Variants in PTPRD observed in about 807,000 individuals in gnomAD.
PTPRD encodes the protein receptor-type tyrosine-protein phosphatase delta.
Under a neutral mutation model 214.5 loss-of-function variants are expected in PTPRD, and 34 were observed. That is an observed-to-expected ratio of 0.16 (90% CI 0.12 to 0.21). The LOEUF is 0.21. Among genes scored for constraint, PTPRD ranks in the 10% least tolerant of loss-of-function variants. The pLI is 1.00. For synonymous variants in PTPRD, 1,128 were observed against 845.7 expected (o/e 1.33, Z -5.79); for missense variants, 2,545 against 2,398.7 (o/e 1.06, Z -1.27).
At chr9:9,031,420 G>A (rs1348102763) in intron 10 of PTPRD, among the ~76,000 whole-genome samples, 2 of 151,994 alleles carry the variant, frequency 1.3e-5, no homozygotes, top group African/African-American at 2.4e-5. Context: ...ATGCGGTATA[G>A]CCTATAGCTC....
intron 39 of PTPRD, among the ~76,000 whole-genome samples, chr9:8,370,131 T>C (rs887612754): frequency 6.6e-6 from 1 of 152,008 alleles, no homozygotes; most frequent in Non-Finnish European, 1.5e-5. Flanking sequence ...TAGAAAGTTC[T>C]GCCCCAAAAT....
At chr9:10,378,293 G>A (rs1053038176) in intron 2 of PTPRD, among the ~76,000 whole-genome samples, 5 of 151,934 alleles carry the variant, frequency 3.3e-5, no homozygotes, top group East Asian at 2.0e-4. Context: ...TGGTCTCCTC[G>A]GCTGCACAGA....
intron 14 of PTPRD, among the ~76,000 whole-genome samples, chr9:8,576,125 G>A (rs1254310172): frequency 6.6e-6 from 1 of 152,190 alleles, no homozygotes; most frequent in Non-Finnish European, 1.5e-5. Flanking sequence ...ACCTTGAAGT[G>A]TTGGAAGATT....
In PTPRD at chr9:9,845,306, T is replaced by C. The variant is rs531585809; in HGVS notation, c.-367-78455A>G. On this transcript the variant is annotated intron_variant, in intron 5 of 45. Transcript: ENST00000381196. The stretch of plus-strand genomic sequence containing the variant: ...AAGAGAAAAGAGAGAAAGGGATATA[T>C]TACAAAGTCAAAAATGCTTATCTGA... Among the ~76,000 whole-genome samples, 6 of 147,636 alleles carry C rather than the reference T, an allele frequency of 4.1e-5. No homozygotes were observed. The Admixed American group carries it at 4.1e-4, about 10-fold the overall frequency.
intron 3 of PTPRD, among the ~76,000 whole-genome samples, chr9:10,338,565 T>A (rs1241597611): frequency 6.6e-6 from 1 of 151,734 alleles, no homozygotes; most frequent in Non-Finnish European, 1.5e-5. Context: ...AAAGGTGTAG[T>A]GTTATCTTTC....
At chr9:10,595,424 G>T (rs1395321735) in intron 2 of PTPRD, among the ~76,000 whole-genome samples, 1 of 151,612 alleles carries the variant, frequency 6.6e-6, no homozygotes, top group African/African-American at 2.4e-5. Context: ...AATTCAGTAA[G>T]CTTCTTGGCT....
intron 6 of PTPRD, among the ~76,000 whole-genome samples, chr9:9,758,140 A>G (rs2098606174): frequency 7.5e-6 from 1 of 132,594 alleles, no homozygotes; most frequent in South Asian, 2.6e-4. Context: ...TCTCAAGAGT[A>G]AAAATGGCAA....
At chr9:9,761,264 T>C (rs1346902125) in intron 6 of PTPRD, among the ~76,000 whole-genome samples, 3 of 152,098 alleles carry the variant, frequency 2.0e-5, no homozygotes, top group Non-Finnish European at 2.9e-5. Context: ...CTCCAAAAAT[T>C]AGGCTAAGCA....
chr9:9,520,355 T>C (rs2154254031), intron 8 of PTPRD, among the ~76,000 whole-genome samples: 1 of 149,998 alleles, frequency 6.7e-6, no homozygotes, highest in East Asian at 1.9e-4. Context: ...TTTTAGAACA[T>C]GCATGAATAC....
At chr9:10,388,447 A>C (rs2097971147) in intron 2 of PTPRD, among the ~76,000 whole-genome samples, 1 of 149,450 alleles carries the variant, frequency 6.7e-6, no homozygotes, top group South Asian at 2.1e-4. Context: ...CTTAATGAAT[A>C]CTTGTGGAAT....
At chr9:10,406,551 G>A (rs1361151208) in intron 2 of PTPRD, among the ~76,000 whole-genome samples, 1 of 151,496 alleles carries the variant, frequency 6.6e-6, no homozygotes, top group East Asian at 2.0e-4. Flanking sequence ...CTGTTCTACT[G>A]CAGGAAAAGA....
chr9:8,428,985 C>A (rs929274876), intron 35 of PTPRD, among the ~76,000 whole-genome samples: 1 of 152,186 alleles, frequency 6.6e-6, no homozygotes, highest in Non-Finnish European at 1.5e-5. Flanking sequence ...TTTGTCCCCT[C>A]TGCGGAGAAA....
chr9:9,655,406 C>G (rs2096484676), intron 7 of PTPRD, among the ~76,000 whole-genome samples: 1 of 151,778 alleles, frequency 6.6e-6, no homozygotes, highest in Non-Finnish European at 1.5e-5. Flanking sequence ...CCCGTCTGTA[C>G]TAAAATACAA....
At position 9,976,689 on chromosome 9, in the gene PTPRD, CAAAAA is replaced by C. The variant is rs869096131; in HGVS notation, c.-471-38084_-471-38080del. 1.3e-3 allele frequency among the ~76,000 whole-genome samples: 80 copies of C among 63,252 alleles called. 2 individuals are homozygous for C. The highest frequency in any genetic ancestry group is 4.4e-3 in the African/African-American group (57 of 13,066). The allele number at this position is 63,252 out of a possible 152,430, so 41.5% of individuals were successfully genotyped here. ...GGTGTGAGCCACTACACCCTGCCAC[CAAAAA>C]AAAAAAAAAAAAAAAAAATTTACTT... is the stretch of plus-strand genomic sequence containing the variant. On this transcript the variant is annotated intron_variant, in intron 4 of 45. Transcript: ENST00000381196.
intron 9 of PTPRD, among the ~76,000 whole-genome samples, chr9:9,328,933 T>G (rs1325760534): frequency 1.3e-5 from 2 of 152,050 alleles, no homozygotes; most frequent in Non-Finnish European, 2.9e-5. Context: ...CCACCGCGCC[T>G]AGCATTTTTG....
At position 8,903,752 on chromosome 9, in the gene PTPRD, A is replaced by ATTTTG. The variant is rs1297630343; in HGVS notation, c.-104+114944_-104+114945insCAAAA. On this transcript the variant is annotated intron_variant, in intron 11 of 45. Transcript: ENST00000381196. ...CAAACTGTTCTGATTCTCTACCTTT[A>ATTTTG]AAAAATTATGGGAAATTTGATTACT... is the stretch of plus-strand genomic sequence containing the variant. 5.4e-3 allele frequency among the ~76,000 whole-genome samples: 796 copies of ATTTTG among 148,356 alleles called. 21 individuals are homozygous for ATTTTG. The highest frequency in any genetic ancestry group is 0.02 in the African/African-American group (749 of 37,898).
intron 9 of PTPRD, among the ~76,000 whole-genome samples, chr9:9,309,221 T>TG (rs1958114772): frequency 6.6e-6 from 1 of 150,490 alleles, no homozygotes; most frequent in African/African-American, 2.4e-5. Context: ...ATGTTTTTGT[T>TG]TTTTTTTTTA....
At chr9:8,579,479 G>T (rs1016987336) in intron 14 of PTPRD, among the ~76,000 whole-genome samples, 4 of 152,110 alleles carry the variant, frequency 2.6e-5, no homozygotes, top group African/African-American at 7.2e-5. Context: ...ACGTTCATTT[G>T]TTCACACTGA....
intron 5 of PTPRD, among the ~76,000 whole-genome samples, chr9:9,800,077 C>A (rs985526709): frequency 6.6e-6 from 1 of 152,174 alleles, no homozygotes; most frequent in Non-Finnish European, 1.5e-5. Flanking sequence ...GAAGAGATTT[C>A]TGTCAAAATA....
Sources: allele counts gnomAD v4.1 joint callset (sites outside exome capture counted in the v4.1 genomes callset), GRCh38; gene constraint gnomAD v4.1.1; transcripts MANE v1.5; gene names NCBI Gene and HGNC (gene_info 2026-07-23, HGNC 2026-07-21).